The following PTPRD variants were observed in gnomAD, a reference collection of about 807,000 sequenced individuals.
The protein encoded by PTPRD is protein tyrosine phosphatase receptor type D.
In PTPRD, 34 loss-of-function variants were observed where a neutral mutation model predicts 214.5. The ratio of observed to expected loss-of-function variants is 0.16; its 90% CI spans 0.12 to 0.21. PTPRD has a LOEUF of 0.21. Among genes scored for constraint, PTPRD ranks in the 10% least tolerant of loss-of-function variants. PTPRD has a pLI of 1.00. For synonymous variants in PTPRD, 1,128 were observed against 845.7 expected, an observed-to-expected ratio of 1.33 and a Z score of -5.79; for missense variants, 2,545 against 2,398.7, an observed-to-expected ratio of 1.06 and a Z score of -1.27.
intron 14 of PTPRD, among the ~76,000 whole-genome samples, chr9:8,612,905 G>A (rs890931202): frequency 6.6e-6 from 1 of 152,152 alleles, no homozygotes; most frequent in Non-Finnish European, 1.5e-5. Flanking sequence ...ATCATGATGT[G>A]TTCTGTGATT....
At chr9:9,957,304 A>C (rs2094005990) in intron 4 of PTPRD, among the ~76,000 whole-genome samples, 1 of 152,148 alleles carries the variant, frequency 6.6e-6, no homozygotes, top group Non-Finnish European at 1.5e-5. Context: ...ATCCTGTGAA[A>C]CATTAATGTA....
chr9:9,147,325 G>A (rs532840206), intron 10 of PTPRD, among the ~76,000 whole-genome samples: 2 of 149,326 alleles, frequency 1.3e-5, no homozygotes, highest in South Asian at 4.3e-4. Context: ...GTTTCCTGGG[G>A]TGGGGGAGGG....
At chr9:10,595,659 T>G (rs1022193343) in intron 2 of PTPRD, among the ~76,000 whole-genome samples, 1 of 151,414 alleles carries the variant, frequency 6.6e-6, no homozygotes, top group Admixed American at 6.6e-5. Context: ...TTATTATATA[T>G]TTATAATAAA....
At chr9:8,998,632 A>T (rs1298357081) in intron 11 of PTPRD, among the ~76,000 whole-genome samples, 1 of 152,096 alleles carries the variant, frequency 6.6e-6, no homozygotes, top group African/African-American at 2.4e-5. Flanking sequence ...CTATGGATCA[A>T]GAAGTAATAT....
intron 9 of PTPRD, among the ~76,000 whole-genome samples, chr9:9,322,763 C>G (rs183070937): frequency 2.4e-4 from 37 of 152,210 alleles, no homozygotes; most frequent in African/African-American, 8.4e-4. Flanking sequence ...TCTATGACAT[C>G]TAGTAATCTG....
chr9:10,013,851 T>C lies in PTPRD; in HGVS notation c.-472+19867A>G, dbSNP rs1440038935. Reference sequence around the variant, plus strand: ...TCTAGAATTTGATATTCTTGGTTAATATGCAGAGTCATCTCATAGGTTTTT... The same window carrying C: ...TCTAGAATTTGATATTCTTGGTTAACATGCAGAGTCATCTCATAGGTTTTT... On this transcript the variant is annotated intron_variant, in intron 4 of 45. Transcript: ENST00000381196. Among the ~76,000 whole-genome samples the C allele has an allele frequency of 2.6e-5, 4 of 152,134 alleles. No individual in the cohort carries two copies. In the South Asian group the frequency reaches 8.3e-4, roughly 31 times the overall value.
At chr9:9,156,180 G>T (rs374399747) in intron 10 of PTPRD, among the ~76,000 whole-genome samples, 2 of 152,218 alleles carry the variant, frequency 1.3e-5, no homozygotes, top group African/African-American at 4.8e-5. Context: ...CAATCTTTGT[G>T]CCAGATATGT....
Position 9,768,190 on chromosome 9 carries a change from T to C in PTPRD, c.-367-1339A>G, listed in dbSNP as rs565852710. 7.9e-5 allele frequency among the ~76,000 whole-genome samples: 12 copies of C among 152,256 alleles called. No homozygotes were observed. The South Asian group carries it at 1.7e-3, about 21-fold the overall frequency. Reference sequence around the variant, plus strand: ...TTTATTTGAATCTTGGTTCCTTGGATAGCTAATCAGCCAACGCTGTAGACT... The same window carrying C: ...TTTATTTGAATCTTGGTTCCTTGGACAGCTAATCAGCCAACGCTGTAGACT... On this transcript the variant is annotated intron_variant, in intron 5 of 45. Coordinates refer to ENST00000381196, the MANE Select transcript of PTPRD (RefSeq NM_002839.4).
At chr9:8,625,617 G>A (rs1017775428) in intron 14 of PTPRD, among the ~76,000 whole-genome samples, 1 of 151,408 alleles carries the variant, frequency 6.6e-6, no homozygotes, top group Non-Finnish European at 1.5e-5. Context: ...TCAGACATGT[G>A]AGAAAAATCT....
intron 14 of PTPRD, among the ~76,000 whole-genome samples, chr9:8,631,588 A>G (rs1337531543): frequency 6.6e-6 from 1 of 151,740 alleles, no homozygotes; most frequent in African/African-American, 2.4e-5. Context: ...ATGTTAAACT[A>G]TTTGGTCCTG....
intron 3 of PTPRD, among the ~76,000 whole-genome samples, chr9:10,305,708 A>C (rs566477124): frequency 1.3e-5 from 2 of 152,296 alleles, no homozygotes; most frequent in South Asian, 2.1e-4. Context: ...AATACAAATC[A>C]AAACTACAAT....
chr9:8,497,739 G>A (rs2097307893), intron 25 of PTPRD, among the ~76,000 whole-genome samples: 1 of 151,686 alleles, frequency 6.6e-6, no homozygotes, highest in South Asian at 2.1e-4. Context: ...AAATACACAA[G>A]GAAAAACAGC....
At chr9:9,902,331 A>C (rs2076597681) in intron 5 of PTPRD, among the ~76,000 whole-genome samples, 1 of 152,170 alleles carries the variant, frequency 6.6e-6, no homozygotes, top group Admixed American at 6.5e-5. Context: ...GTGTAAACCA[A>C]AGAAATGAAG....
chr9:9,380,446 T>C (rs1009790558), intron 9 of PTPRD, among the ~76,000 whole-genome samples: 4 of 152,146 alleles, frequency 2.6e-5, no homozygotes, highest in African/African-American at 9.7e-5. Context: ...GATACAGGCA[T>C]GCAATGTGAA....
chr9:10,400,978 C>T (rs1243301540), intron 2 of PTPRD, among the ~76,000 whole-genome samples: 1 of 151,516 alleles, frequency 6.6e-6, no homozygotes, highest in Non-Finnish European at 1.5e-5. Flanking sequence ...ACAATTATTT[C>T]CTCACAAATC....
At chr9:10,323,204 CCTCCCCTCCCCTCCCCTTCCCTTCT>C (rs1217267539) in intron 3 of PTPRD, among the ~76,000 whole-genome samples, 6 of 71,846 alleles carry the variant, frequency 8.4e-5, no homozygotes, top group East Asian at 4.7e-4. Flanking sequence ...TTTCTTCTTC[CCTCCCCTCCCCTCCCCTTCCCTTCT>C]CTCCCCTCCC....
At chr9:8,598,596 G>C (rs2094606859) in intron 14 of PTPRD, among the ~76,000 whole-genome samples, 1 of 152,138 alleles carries the variant, frequency 6.6e-6, no homozygotes, top group Admixed American at 6.5e-5. Flanking sequence ...AAACAGGCTA[G>C]GAAAATGGTC....
At chr9:8,568,805 A>T (rs996177784) in intron 14 of PTPRD, among the ~76,000 whole-genome samples, 3 of 152,114 alleles carry the variant, frequency 2.0e-5, no homozygotes, top group African/African-American at 7.2e-5. Context: ...ATAAATATGA[A>T]TATTTTAGAA....
chr9:8,367,771 T>C (rs1239997771), intron 39 of PTPRD, among the ~76,000 whole-genome samples: 1 of 152,144 alleles, frequency 6.6e-6, no homozygotes, highest in Admixed American at 6.6e-5. Flanking sequence ...TTTAAATAAC[T>C]GTGAGGTAAA....
Sources: allele counts gnomAD v4.1 joint callset (sites outside exome capture counted in the v4.1 genomes callset), GRCh38; gene constraint gnomAD v4.1.1; transcripts MANE v1.5; gene names NCBI Gene and HGNC (gene_info 2026-07-23, HGNC 2026-07-21).